The following HEPHL1 variants were observed in gnomAD, a reference collection of about 807,000 sequenced individuals.
HEPHL1 encodes hephaestin like 1.
HEPHL1 carries 123 observed loss-of-function variants against 122.0 expected under a neutral mutation model. That is an observed-to-expected ratio of 1.01 (90% CI 0.87 to 1.17). The LOEUF (loss-of-function observed/expected upper bound fraction) is 1.17. Ranked by LOEUF, HEPHL1 falls within the 50% of genes most tolerant of loss-of-function variation. The probability of loss-of-function intolerance (pLI) is 0.00; values close to 1 mark genes in which losing one functional copy is unlikely to be tolerated. For missense variants in HEPHL1, 1,452 were observed against 1,430.5 expected (o/e 1.01, Z -0.24); for synonymous variants, 527 against 508.9 (o/e 1.04, Z -0.48).
intron 5 of HEPHL1, 127 bp from the exon 6 acceptor site, chr11:94,070,247 T>G (rs1946063082): frequency 1.3e-5 from 11 of 855,558 alleles, no homozygotes; most frequent in Non-Finnish European, 1.8e-5. Flanking sequence ...TTAAAAAAAC[T>G]TTCTTTATGG....
At chr11:94,064,561 G>T in intron 4 of HEPHL1, 51 bp downstream of exon 4, 1 of 1,197,902 alleles carries the variant, frequency 8.3e-7, no homozygotes, top group Non-Finnish European at 1.2e-6. Flanking sequence ...TATACTATAA[G>T]GTACTACAAG....
chr11:94,093,943 A>T (rs1274378006), intron 13 of HEPHL1, among the ~76,000 whole-genome samples: 5 of 134,996 alleles, frequency 3.7e-5, no homozygotes, highest in African/African-American at 1.4e-4. Flanking sequence ...ATACTGAGCC[A>T]GGAAATTTTC....
At chr11:94,025,550 A>G (rs1355360355) in intron 1 of HEPHL1, among the ~76,000 whole-genome samples, 4 of 152,124 alleles carry the variant, frequency 2.6e-5, no homozygotes, top group Non-Finnish European at 5.9e-5. Flanking sequence ...ACGCTAACTC[A>G]TGGGTGGAAC....
intron 1 of HEPHL1, among the ~76,000 whole-genome samples, chr11:94,041,408 A>G (rs1162185625): frequency 7.1e-6 from 1 of 141,102 alleles, no homozygotes; most frequent in Admixed American, 7.2e-5. Flanking sequence ...AAGAGCCCGC[A>G]TCGCCAAGTC....
intron 15 of HEPHL1, among the ~76,000 whole-genome samples, chr11:94,103,755 A>G (rs1946388203): frequency 6.6e-6 from 1 of 152,242 alleles, no homozygotes; most frequent in South Asian, 2.1e-4. Flanking sequence ...GATTATCATA[A>G]CCTTCCTCTT....
chr11:94,098,635 C>G (rs1055097842), intron 13 of HEPHL1, among the ~76,000 whole-genome samples: 2 of 152,240 alleles, frequency 1.3e-5, no homozygotes, highest in African/African-American at 4.8e-5. Context: ...TTCTCCTCGT[C>G]ACTTTCAGGT....
chr11:94,037,344 G>C (rs1945735268), intron 1 of HEPHL1, among the ~76,000 whole-genome samples: 1 of 151,650 alleles, frequency 6.6e-6, no homozygotes, highest in Admixed American at 6.5e-5. Context: ...CAGCCAGAAA[G>C]CTTGAACTGG....
At chr11:94,093,401 T>A in intron 12 of HEPHL1, 100 bp from the exon 13 acceptor site, 1 of 1,355,714 alleles carries the variant, frequency 7.4e-7, no homozygotes, top group Non-Finnish European at 1.0e-6. Flanking sequence ...CACAGCCAGG[T>A]TTGGGGAGCA....
At chr11:94,064,852 G>A (rs1591475003) in intron 4 of HEPHL1, among the ~76,000 whole-genome samples, 2 of 152,162 alleles carry the variant, frequency 1.3e-5, no homozygotes, top group South Asian at 4.1e-4. Flanking sequence ...GAAGGAGAAA[G>A]GAGAATGAAA....
At position 94,106,096 on chromosome 11, in the gene HEPHL1, C is replaced by T; in HGVS notation, c.3011C>T (p.Thr1004Ile). ...LGIGSEVDIH[T>I]IHYHAESFLF... ...ATAGGAAGTGAAGTGGACATACATA[C>T]CATCCATTATCATGCTGAGAGCTTT... The change falls in exon 17 of 20, where the codon ACC becomes ATC. Residue 1004 changes from threonine (T) to isoleucine (I), a missense_variant. By Grantham distance (89) the Thr-to-Ile change is moderately conservative. Transcript: ENST00000315765. 6.3e-7 allele frequency: 1 copy of T among 1,587,948 alleles called. No homozygotes were observed. The highest frequency in any genetic ancestry group is 8.6e-7 in the Non-Finnish European group (1 of 1,162,544).
rs16919873 is a variant in HEPHL1 at position 94,054,319 on chromosome 11, C to G, written c.415+8402C>G. On this transcript the variant is annotated intron_variant, in intron 2 of 19. Coordinates refer to ENST00000315765, the MANE Select transcript of HEPHL1 (RefSeq NM_001098672.2). ...ACCAAAATTGAGGGTAGAAAGAAGT[C>G]TTCAACAGGACTCAGATCTCAGTCT... Among the ~76,000 whole-genome samples the G allele has an allele frequency of 7.5e-3, 1,139 of 152,250 alleles. 13 individuals are homozygous for G. Among genetic ancestry groups the G allele is most frequent in the African/African-American group, 0.026 (1,069 of 41,548 alleles).
intron 10 of HEPHL1, 133 bp downstream of exon 10, chr11:94,082,701 G>A: frequency 1.3e-6 from 1 of 768,574 alleles, no homozygotes; most frequent in Non-Finnish European, 2.0e-6. Context: ...GTTATTTCAT[G>A]CCTTCAGCTT....
chr11:94,066,185 C>G (rs1288079953), intron 4 of HEPHL1, among the ~76,000 whole-genome samples: 1 of 151,540 alleles, frequency 6.6e-6, no homozygotes, highest in African/African-American at 2.4e-5. Flanking sequence ...CAGAGCAAGA[C>G]CCTGTCTCAA....
chr11:94,044,866 G>T (rs1945819497), intron 1 of HEPHL1, among the ~76,000 whole-genome samples: 1 of 150,540 alleles, frequency 6.6e-6, no homozygotes, highest in South Asian at 2.1e-4. Flanking sequence ...AGGCTCAAGT[G>T]ATCCTCCCAC....
intron 15 of HEPHL1, 35 bp from the exon 16 acceptor site, chr11:94,104,493 A>C: frequency 7.1e-7 from 1 of 1,404,292 alleles, no homozygotes; most frequent in Non-Finnish European, 1.0e-6. Context: ...AAATTACTTA[A>C]TGGCTCTTTT....
At chr11:94,028,794 A>T (rs1320513734) in intron 1 of HEPHL1, among the ~76,000 whole-genome samples, 1 of 152,190 alleles carries the variant, frequency 6.6e-6, no homozygotes, top group Non-Finnish European at 1.5e-5. Flanking sequence ...CTTCATGGGG[A>T]TGGCTCCCTT....
chr11:94,082,378 A>G (rs750134666), intron 9 of HEPHL1, 40 bp from the exon 10 acceptor site: 1 of 1,515,890 alleles, frequency 6.6e-7, no homozygotes, highest in Non-Finnish European at 9.0e-7. Context: ...AATTCCTCCA[A>G]GCTGTACCTT....
chr11:94,070,575 T>A (rs776788308), intron 6 of HEPHL1, 33 bp downstream of exon 6: 1 of 1,551,322 alleles, frequency 6.4e-7, no homozygotes, highest in Non-Finnish European at 8.8e-7. Context: ...TCTAAGCCTC[T>A]CGTCAGAGAA....
At chr11:94,024,511 G>A (rs1945607571) in intron 1 of HEPHL1, among the ~76,000 whole-genome samples, 1 of 152,190 alleles carries the variant, frequency 6.6e-6, no homozygotes, top group South Asian at 2.1e-4. Flanking sequence ...ATTAGAGTTG[G>A]AGAAGACCTG....
Sources: allele counts gnomAD v4.1 joint callset (sites outside exome capture counted in the v4.1 genomes callset), GRCh38; gene constraint gnomAD v4.1.1; transcripts MANE v1.5; gene names NCBI Gene and HGNC (gene_info 2026-07-23, HGNC 2026-07-21).